Variants in MAD1L1 observed in about 807,000 individuals in gnomAD.
MAD1L1 encodes mitotic arrest deficient 1 like 1, also known as mitotic spindle assembly checkpoint protein MAD1.
MAD1L1 carries 95 observed loss-of-function variants against 96.9 expected under a neutral mutation model. The observed-to-expected ratio is 0.98, with a 90% CI of 0.83 to 1.16. The LOEUF (loss-of-function observed/expected upper bound fraction) is 1.16. Among genes scored for constraint, MAD1L1 ranks in the 50% most tolerant of loss-of-function variants. The probability of loss-of-function intolerance (pLI) is 0.00; values close to 1 mark genes in which losing one functional copy is unlikely to be tolerated. For missense variants in MAD1L1, 1,007 were observed against 954.4 expected, an observed-to-expected ratio of 1.06 and a Z score of -0.73; for synonymous variants, 473 against 396.6, an observed-to-expected ratio of 1.19 and a Z score of -2.29.
chr7:1,919,114 T>G (rs1267289237), intron 17 of MAD1L1, among the ~76,000 whole-genome samples: 1 of 152,250 alleles, frequency 6.6e-6, no homozygotes, highest in East Asian at 1.9e-4. Flanking sequence ...ATCGTCCGCC[T>G]GTCACGCTCA....
At chr7:1,917,312 C>T (rs1038956429) in intron 17 of MAD1L1, among the ~76,000 whole-genome samples, 3 of 152,182 alleles carry the variant, frequency 2.0e-5, no homozygotes, top group Non-Finnish European at 2.9e-5. Context: ...TGCACACGTG[C>T]GCTGTGCTCA....
At chr7:2,143,718 G>A (rs1789156798) in intron 11 of MAD1L1, among the ~76,000 whole-genome samples, 1 of 152,130 alleles carries the variant, frequency 6.6e-6, no homozygotes. Flanking sequence ...CCAGCCTTGT[G>A]GCTTCAGGCC....
At chr7:1,935,763 CTG>C (rs1419559127) in intron 17 of MAD1L1, among the ~76,000 whole-genome samples, 2 of 152,356 alleles carry the variant, frequency 1.3e-5, no homozygotes, top group Non-Finnish European at 2.9e-5. Flanking sequence ...AAAGCTGAGT[CTG>C]AAATCACCTC....
intron 17 of MAD1L1, among the ~76,000 whole-genome samples, chr7:1,933,987 C>T (rs1034908412): frequency 2.0e-5 from 3 of 152,236 alleles, no homozygotes; most frequent in African/African-American, 7.2e-5. Flanking sequence ...CCTTTCACTG[C>T]TCACCCGCCA....
At chr7:2,045,295 G>A (rs776904993) in intron 12 of MAD1L1, among the ~76,000 whole-genome samples, 3 of 152,108 alleles carry the variant, frequency 2.0e-5, no homozygotes, top group Middle Eastern at 6.8e-3. Context: ...CTGTGTCCCC[G>A]TGAGATACCC....
chr7:2,061,565 C>G (rs1048190736), intron 12 of MAD1L1, among the ~76,000 whole-genome samples: 1 of 152,170 alleles, frequency 6.6e-6, no homozygotes, highest in African/African-American at 2.4e-5. Flanking sequence ...CCGGAGGGAC[C>G]AGCACCATCC....
chr7:2,214,882 C>A (rs753418984), intron 9 of MAD1L1, among the ~76,000 whole-genome samples: 2 of 152,216 alleles, frequency 1.3e-5, no homozygotes, highest in African/African-American at 2.4e-5. Context: ...GACTCACCCT[C>A]TGTACCAGTT....
At chr7:2,144,014 C>T (rs1440185442) in intron 11 of MAD1L1, among the ~76,000 whole-genome samples, 1 of 152,216 alleles carries the variant, frequency 6.6e-6, no homozygotes, top group East Asian at 1.9e-4. Flanking sequence ...AGGGTCTCTG[C>T]TGAGGCAGAG....
chr7:1,859,236 G>A lies in MAD1L1; in HGVS notation c.1998+38964C>T, dbSNP rs575563419. Reference sequence around the variant, plus strand: ...AAGAGCCACTTCCCAGAACGCTCAGGCAGACAGCTGGGTGCGCAGCAGCTG... The same window carrying A: ...AAGAGCCACTTCCCAGAACGCTCAGACAGACAGCTGGGTGCGCAGCAGCTG... On this transcript the variant is annotated intron_variant, in intron 18 of 18. Coordinates refer to ENST00000265854, the MANE Select transcript of MAD1L1 (RefSeq NM_001013836.2). Among the ~76,000 whole-genome samples, 105 of 152,312 alleles carry A rather than the reference G, an allele frequency of 6.9e-4. 2 individuals carry two copies. In the South Asian group the frequency reaches 0.021, roughly 30 times the overall value.
At chr7:2,041,182 C>T (rs1414693109) in intron 12 of MAD1L1, among the ~76,000 whole-genome samples, 1 of 152,218 alleles carries the variant, frequency 6.6e-6, no homozygotes, top group Non-Finnish European at 1.5e-5. Context: ...ACAACAGGCC[C>T]CTGCCCTGCC....
At chr7:1,867,738 G>T (rs1033517997) in intron 18 of MAD1L1, among the ~76,000 whole-genome samples, 2 of 152,204 alleles carry the variant, frequency 1.3e-5, no homozygotes, top group Non-Finnish European at 2.9e-5. Flanking sequence ...GGATGGGAGG[G>T]GTGGCACAGG....
At chr7:1,997,209 C>A (rs967070269) in intron 14 of MAD1L1, among the ~76,000 whole-genome samples, 3 of 152,178 alleles carry the variant, frequency 2.0e-5, no homozygotes, top group African/African-American at 7.2e-5. Context: ...TCTCTCTTTT[C>A]TCATTTCCTA....
chr7:1,959,356 C>T (rs1197523871), intron 15 of MAD1L1, among the ~76,000 whole-genome samples: 1 of 152,072 alleles, frequency 6.6e-6, no homozygotes, highest in East Asian at 1.9e-4. Flanking sequence ...AATTCATGAA[C>T]GAGAGTCCCC....
intron 11 of MAD1L1, among the ~76,000 whole-genome samples, chr7:2,081,421 G>A (rs1041740543): frequency 1.3e-5 from 2 of 152,232 alleles, no homozygotes; most frequent in African/African-American, 4.8e-5. Flanking sequence ...CCAATTTCCA[G>A]AACGCCATCG....
chr7:2,175,511 A>T (rs968080339), intron 10 of MAD1L1: 2 of 152,030 alleles, frequency 1.3e-5, no homozygotes, highest in Non-Finnish European at 2.9e-5. Context: ...AAAAAAAAAA[A>T]AAAAAACCCA....
intron 10 of MAD1L1, among the ~76,000 whole-genome samples, chr7:2,197,260 GTCA>G (rs1562361681): frequency 6.6e-6 from 1 of 152,186 alleles, no homozygotes; most frequent in Non-Finnish European, 1.5e-5. Context: ...CCTCTCAAGT[GTCA>G]TCTCTTCAGG....
chr7:1,894,116 T>C (rs1351064961), intron 18 of MAD1L1, among the ~76,000 whole-genome samples: 1 of 152,146 alleles, frequency 6.6e-6, no homozygotes, highest in Non-Finnish European at 1.5e-5. Context: ...AAGCTTGGTG[T>C]CCTGGATACA....
chr7:1,888,525 T>C (rs967780546), intron 18 of MAD1L1, among the ~76,000 whole-genome samples: 2 of 135,642 alleles, frequency 1.5e-5, no homozygotes, highest in Non-Finnish European at 3.1e-5. Flanking sequence ...TGTGCATGCG[T>C]GTGTGGTTGC....
At chr7:2,218,602 T>G (rs558686712) in intron 6 of MAD1L1, among the ~76,000 whole-genome samples, 80 of 152,252 alleles carry the variant, frequency 5.3e-4, no homozygotes, top group Middle Eastern at 6.8e-3. Context: ...AGGCACATGA[T>G]GCTGCCCTTT....
Sources: allele counts gnomAD v4.1 joint callset (sites outside exome capture counted in the v4.1 genomes callset), GRCh38; gene constraint gnomAD v4.1.1; transcripts MANE v1.5; gene names NCBI Gene and HGNC (gene_info 2026-07-23, HGNC 2026-07-21).